TUSC3: variants seen among roughly 807,000 people sequenced by gnomAD.
The protein encoded by TUSC3 is tumor suppressor candidate 3, also known as dolichyl-diphosphooligosaccharide--protein glycosyltransferase subunit TUSC3.
Under a neutral mutation model 44.8 loss-of-function variants are expected in TUSC3, and 45 were observed. The ratio of observed to expected loss-of-function variants is 1.00; its 90% CI spans 0.79 to 1.29. The LOEUF (loss-of-function observed/expected upper bound fraction) is 1.29. TUSC3 is among the 50% of genes most tolerant of loss of function. TUSC3 has a pLI of 0.00. For synonymous variants in TUSC3, 212 were observed against 152.9 expected (o/e 1.39, Z -2.85); for missense variants, 519 against 437.9 (o/e 1.19, Z -1.65).
the TUSC3 span, among the ~76,000 whole-genome samples, chr8:15,804,104 A>C: frequency 6.6e-6 from 1 of 152,128 alleles, no homozygotes; most frequent in Admixed American, 6.5e-5. Context: ...TTCTGGTTCT[A>C]GATCCTTCAG....
At chr8:15,712,180 T>C (rs1286537814) in intron 6 of TUSC3, among the ~76,000 whole-genome samples, 3 of 152,014 alleles carry the variant, frequency 2.0e-5, no homozygotes, top group Non-Finnish European at 4.4e-5. Flanking sequence ...AAAAATAAGA[T>C]TAGAGGCTCT....
intron 1 of TUSC3, among the ~76,000 whole-genome samples, chr8:15,584,904 A>G (rs1164377093): frequency 2.0e-5 from 3 of 152,164 alleles, no homozygotes; most frequent in East Asian, 1.9e-4. Context: ...CTGAAATACT[A>G]TTTGGAGTGT....
intron 6 of TUSC3, among the ~76,000 whole-genome samples, chr8:15,712,409 G>C (rs1378623587): frequency 6.6e-6 from 1 of 152,060 alleles, no homozygotes; most frequent in Non-Finnish European, 1.5e-5. Flanking sequence ...ACATGTAACA[G>C]TTCCAAAACC....
intron 1 of TUSC3, among the ~76,000 whole-genome samples, chr8:15,581,001 G>T (rs1448494954): frequency 4.2e-5 from 4 of 94,592 alleles, no homozygotes; most frequent in Non-Finnish European, 8.0e-5. Flanking sequence ...ATATTTCTTG[G>T]AGGCTTTGCT....
intron 2 of TUSC3, among the ~76,000 whole-genome samples, chr8:15,644,565 A>C (rs1170429578): frequency 6.6e-6 from 1 of 152,084 alleles, no homozygotes; most frequent in East Asian, 1.9e-4. Context: ...GATCCTCTGA[A>C]TTTCTTTATC....
chr8:15,713,933 A>G (rs1337392816), intron 6 of TUSC3, among the ~76,000 whole-genome samples: 1 of 152,110 alleles, frequency 6.6e-6, no homozygotes, highest in Non-Finnish European at 1.5e-5. Flanking sequence ...CTTATTCACA[A>G]CCGTGGCCTC....
intron 1 of TUSC3, among the ~76,000 whole-genome samples, chr8:15,477,590 C>T (rs1368707155): frequency 2.0e-5 from 3 of 151,934 alleles, no homozygotes; most frequent in East Asian, 1.9e-4. Flanking sequence ...AGTGAGGTGG[C>T]GGGTGGCTGT....
chr8:15,813,455 TC>T, the TUSC3 span, among the ~76,000 whole-genome samples: 1 of 143,074 alleles, frequency 7.0e-6, no homozygotes, highest in Non-Finnish European at 1.5e-5. Flanking sequence ...TGTAATACCA[TC>T]CTGTAAGTTC....
At chr8:15,530,980 C>T (rs988802248) in intron 2 of TUSC3, among the ~76,000 whole-genome samples, 1 of 152,172 alleles carries the variant, frequency 6.6e-6, no homozygotes, top group Non-Finnish European at 1.5e-5. Context: ...GTATGACCTT[C>T]TGGGGGCATT....
At chr8:15,573,190 CTCTCTCTCTCTCTATATATATA>C (rs1252091339) in intron 1 of TUSC3, among the ~76,000 whole-genome samples, 2 of 92,520 alleles carry the variant, frequency 2.2e-5, no homozygotes, top group Non-Finnish European at 4.3e-5. Flanking sequence ...CTCTCTCTCT[CTCTCTCTCTCTCTATATATATA>C]TATATATATA....
intron 1 of TUSC3, among the ~76,000 whole-genome samples, chr8:15,585,817 C>CGGA (rs1359674889): frequency 6.6e-6 from 1 of 152,130 alleles, no homozygotes; most frequent in African/African-American, 2.4e-5. Context: ...AAAGATTCAA[C>CGGA]GGAGGACCCA....
At chr8:15,768,071 C>G (rs903221284), downstream of TUSC3, among the ~76,000 whole-genome samples, 3 of 152,120 alleles carry the variant, frequency 2.0e-5, no homozygotes, top group African/African-American at 7.2e-5. Context: ...AAGACTAAAA[C>G]AGTGGTAAAC....
intron 2 of TUSC3, among the ~76,000 whole-genome samples, chr8:15,644,855 A>G (rs745470285): frequency 1.3e-5 from 2 of 152,104 alleles, no homozygotes; most frequent in South Asian, 2.1e-4. Context: ...TTGCCTTGTC[A>G]TTATTAAATT....
the TUSC3 span, among the ~76,000 whole-genome samples, chr8:15,799,974 T>C: frequency 6.6e-6 from 1 of 152,146 alleles, no homozygotes; most frequent in Non-Finnish European, 1.5e-5. Context: ...GCACATTCAG[T>C]AGGTTGCACT....
chr8:15,632,967 C>G (rs1805882378), intron 2 of TUSC3, among the ~76,000 whole-genome samples: 1 of 152,098 alleles, frequency 6.6e-6, no homozygotes, highest in Admixed American at 6.6e-5. Flanking sequence ...TCAAGGAGCC[C>G]TGGTTCCTCT....
chr8:15,733,776 G>C (rs1224898518), intron 7 of TUSC3: 1 of 153,104 alleles, frequency 6.5e-6, no homozygotes, highest in Non-Finnish European at 1.5e-5. Flanking sequence ...AGAAGTCCAG[G>C]CACAGTGGTT....
At chr8:15,455,668 A>T (rs962432756) in intron 1 of TUSC3, among the ~76,000 whole-genome samples, 2 of 152,184 alleles carry the variant, frequency 1.3e-5, no homozygotes, top group Non-Finnish European at 2.9e-5. Flanking sequence ...CAAAAATTCT[A>T]TCAGTGAGAA....
chr8:15,770,370 G>A (rs1041311341), downstream of TUSC3, among the ~76,000 whole-genome samples: 6 of 152,090 alleles, frequency 3.9e-5, no homozygotes, highest in Non-Finnish European at 7.3e-5. Flanking sequence ...AGAACGCATG[G>A]ACACACGGAG....
At chr8:15,442,571 C>T (rs1036509393) in intron 1 of TUSC3, among the ~76,000 whole-genome samples, 1 of 152,066 alleles carries the variant, frequency 6.6e-6, no homozygotes, top group Admixed American at 6.6e-5. Context: ...GGAACATGCA[C>T]AATATTAAAA....
Sources: gnomAD v4.1 joint callset for allele counts (sites outside exome capture counted in the v4.1 genomes callset) on GRCh38, gnomAD v4.1.1 for gene constraint, MANE v1.5 for transcripts, NCBI Gene and HGNC (gene_info 2026-07-23, HGNC 2026-07-21) for gene names.